Variants in NCF2 observed in about 807,000 individuals in gnomAD.
The protein encoded by NCF2 is neutrophil cytosolic factor 2, also known as neutrophil cytosol factor 2.
NCF2 carries 45 observed loss-of-function variants against 70.9 expected under a neutral mutation model. That is an observed-to-expected ratio of 0.63 (90% CI 0.50 to 0.81). NCF2 has a LOEUF of 0.81. Ranked by LOEUF, NCF2 falls within the 40% of genes least tolerant of loss-of-function variation. The probability of loss-of-function intolerance (pLI) is 0.00; values close to 1 mark genes in which losing one functional copy is unlikely to be tolerated. For missense variants in NCF2, 522 were observed against 631.6 expected, an observed-to-expected ratio of 0.83 and a Z score of 1.86; for synonymous variants, 203 against 233.6, an observed-to-expected ratio of 0.87 and a Z score of 1.19.
chr1:183,562,232 T>A (rs1051826371), intron 13 of NCF2, among the ~76,000 whole-genome samples: 20 of 151,950 alleles, frequency 1.3e-4, no homozygotes, highest in African/African-American at 3.9e-4. Context: ...AAGGAAAAAA[T>A]TTTAATTAAA....
At chr1:183,574,261 C>T (rs1672698225) in intron 4 of NCF2, among the ~76,000 whole-genome samples, 1 of 152,178 alleles carries the variant, frequency 6.6e-6, no homozygotes, top group Admixed American at 6.5e-5. Context: ...CCAAGGAGCC[C>T]CACTCCAAGG....
At chr1:183,584,833 A>G (rs1332481191) in intron 2 of NCF2, among the ~76,000 whole-genome samples, 1 of 152,176 alleles carries the variant, frequency 6.6e-6, no homozygotes, top group African/African-American at 2.4e-5. Context: ...GTACCAAAAT[A>G]TCTCATGTGT....
Position 183,555,875 on chromosome 1 carries a change from C to G in NCF2, c.*243G>C. ...TCTCTCGTGCCCTTTCCAGACACTT[C>G]CATCCACTTTTCCTCTCCCCTAACT... On this transcript the variant is annotated 3_prime_UTR_variant, in exon 15 of 15. Coordinates refer to ENST00000367535, the MANE Select transcript of NCF2 (RefSeq NM_000433.4). 1.7e-6 allele frequency: 1 copy of G among 574,346 alleles called. No individual in the cohort carries two copies. The highest frequency in any genetic ancestry group is 2.0e-5 in the South Asian group (1 of 49,480). 35.6% of individuals were successfully genotyped at this position (574,346 alleles called of 1,614,324 possible).
the NCF2 span, chr1:183,597,943 C>G: frequency 1.3e-5 from 2 of 152,334 alleles, no homozygotes; most frequent in African/African-American, 4.8e-5. Flanking sequence ...TGCCTGAGTC[C>G]TGGCTGGTTG....
rs2102890652 is a variant in NCF2 at position 183,567,229 on chromosome 1, C to T, written c.830G>A (p.Trp277Ter). ...CTGCCCGTTGAACATGACCGTGGCC[C>T]AGTTATCATTGCCCTTCTTCAAGAC... ...VFVLKKGNDN[W>*]ATVMFNGQKG... Residue 277 changes from tryptophan (W) to a stop codon, truncating the protein, a stop_gained, in exon 8 of 15, where the codon TGG (tryptophan) becomes TAG (stop). Transcript: ENST00000367535. LOFTEE classifies it high-confidence loss of function. The T allele has an allele frequency of 5.0e-6, 8 of 1,614,188 alleles. No individual in the cohort carries two copies. The highest frequency in any genetic ancestry group is 6.8e-6 in the Non-Finnish European group (8 of 1,180,040).
At chr1:183,577,897 T>TC (rs997479709) in intron 2 of NCF2, among the ~76,000 whole-genome samples, 190 bp from the exon 3 acceptor site, 57 of 152,048 alleles carry the variant, frequency 3.7e-4, no homozygotes, top group African/African-American at 1.4e-3. Flanking sequence ...GGAATGGTGT[T>TC]CCCCCCAGGG....
chr1:183,565,112 G>A (rs1047580001), intron 10 of NCF2, among the ~76,000 whole-genome samples: 3 of 152,172 alleles, frequency 2.0e-5, no homozygotes, highest in Admixed American at 6.5e-5. Context: ...ATGATCAGGC[G>A]CGTGTGGCAA....
In NCF2 at chr1:183,556,227, TTCAC is replaced by T; in HGVS notation, c.1469-1_1471del. The T allele has an allele frequency of 6.2e-7, 1 of 1,613,808 alleles. No individual in the cohort carries two copies. The highest frequency in any genetic ancestry group is 1.1e-5 in the South Asian group (1 of 91,070). On this transcript the variant is annotated splice_acceptor_variant and coding_sequence_variant, in exon 15 of 15. Transcript: ENST00000367535. LOFTEE classifies it high-confidence loss of function. ...GCACTCCCCTTCCAGCCATTCTTCA[TTCAC>T]TGATAAAAGGAAAAGTACACATGGA...
chr1:183,586,454 GC>G (rs1359978320), intron 2 of NCF2, among the ~76,000 whole-genome samples: 2 of 152,154 alleles, frequency 1.3e-5, no homozygotes, highest in Non-Finnish European at 2.9e-5. Flanking sequence ...TATCATTTTT[GC>G]AGCTGAAGTA....
the NCF2 span, among the ~76,000 whole-genome samples, chr1:183,597,558 A>G: frequency 2.6e-5 from 4 of 152,164 alleles, no homozygotes; most frequent in African/African-American, 9.7e-5. Context: ...TGATCCTGTC[A>G]CCCAAATAGT....
chr1:183,595,315 G>C (rs1323709197), upstream of NCF2, among the ~76,000 whole-genome samples: 1 of 152,174 alleles, frequency 6.6e-6, no homozygotes, highest in East Asian at 1.9e-4. Flanking sequence ...CTGTTGTTCA[G>C]CAATGCTATT....
chr1:183,596,832 T>A, the NCF2 span, among the ~76,000 whole-genome samples: 1 of 152,206 alleles, frequency 6.6e-6, no homozygotes, highest in African/African-American at 2.4e-5. Flanking sequence ...TAGACTCACA[T>A]CCTACGTAAA....
chr1:183,584,177 C>T (rs1173781255), intron 2 of NCF2, among the ~76,000 whole-genome samples: 54 of 152,188 alleles, frequency 3.5e-4, no homozygotes. Context: ...CCTCAAGGTT[C>T]ACATACGGAC....
At position 183,586,888 on chromosome 1, in the gene NCF2, C is replaced by T; in HGVS notation, c.257+7G>A. 1.9e-6 allele frequency: 3 copies of T among 1,613,120 alleles called. No individual in the cohort carries two copies. The highest frequency in any genetic ancestry group is 2.5e-6 in the Non-Finnish European group (3 of 1,179,106). On this transcript the variant is annotated splice_region_variant and intron_variant, in intron 2 of 14. Coordinates refer to ENST00000367535, the MANE Select transcript of NCF2 (RefSeq NM_000433.4). ...TCCTCCAGTTGGTGCAACATTGAAC[C>T]ACTTACTTCTCTGTCTGGTAGTAGA...
At chr1:183,571,207 T>C (rs1312301696) in intron 5 of NCF2, among the ~76,000 whole-genome samples, 2 of 144,442 alleles carry the variant, frequency 1.4e-5, no homozygotes, top group African/African-American at 5.1e-5. Flanking sequence ...AACCTCTGCC[T>C]TCCAGGTTCA....
upstream of NCF2, among the ~76,000 whole-genome samples, chr1:183,592,951 C>A (rs1673714685): frequency 6.6e-6 from 1 of 152,178 alleles, no homozygotes; most frequent in Non-Finnish European, 1.5e-5. Flanking sequence ...CACCTTCAAA[C>A]CCACCTTGCA....
At chr1:183,595,492 G>A (rs1194824280), upstream of NCF2, among the ~76,000 whole-genome samples, 1 of 152,190 alleles carries the variant, frequency 6.6e-6, no homozygotes, top group African/African-American at 2.4e-5. Context: ...AGGAGTCTGG[G>A]CACGGCTTAG....
chr1:183,563,786 G>C (rs1476881516), intron 11 of NCF2: 2 of 809,594 alleles, frequency 2.5e-6, no homozygotes, highest in African/African-American at 3.4e-5. Flanking sequence ...AATTCCTACT[G>C]AGTAAGATCT....
chr1:183,570,881 G>A (rs1672515761), intron 5 of NCF2, 42 bp from the exon 6 acceptor site: 3 of 1,599,952 alleles, frequency 1.9e-6, no homozygotes, highest in Non-Finnish European at 1.7e-6. Context: ...TGCCAGCACT[G>A]TTTCCATTCT....
Sources: gnomAD v4.1 joint callset for allele counts (sites outside exome capture counted in the v4.1 genomes callset) on GRCh38, gnomAD v4.1.1 for gene constraint, MANE v1.5 for transcripts, NCBI Gene and HGNC (gene_info 2026-07-23, HGNC 2026-07-21) for gene names.